RGS6: variants seen among roughly 807,000 people sequenced by gnomAD.
RGS6 encodes regulator of G-protein signaling 6.
RGS6 carries 30 observed loss-of-function variants against 78.5 expected under a neutral mutation model. The observed-to-expected ratio is 0.38, with a 90% CI of 0.29 to 0.52. The LOEUF is 0.52. Among genes scored for constraint, RGS6 ranks in the 20% least tolerant of loss-of-function variants. The probability of loss-of-function intolerance (pLI) is 0.85; values close to 1 mark genes in which losing one functional copy is unlikely to be tolerated. For synonymous variants in RGS6, 206 were observed against 206.0 expected (o/e 1.00, Z 0.00); for missense variants, 495 against 609.7 (o/e 0.81, Z 1.98).
At chr14:72,350,405 G>C (rs1311082743) in intron 2 of RGS6, among the ~76,000 whole-genome samples, 1 of 152,184 alleles carries the variant, frequency 6.6e-6, no homozygotes, top group Non-Finnish European at 1.5e-5. Flanking sequence ...AACCTCTGCA[G>C]TTGTCCCTGA....
intron 3 of RGS6, among the ~76,000 whole-genome samples, chr14:72,389,230 C>G (rs1281012259): frequency 6.6e-6 from 1 of 152,126 alleles, no homozygotes; most frequent in Non-Finnish European, 1.5e-5. Flanking sequence ...CCCGGATGTT[C>G]CATCAACTGT....
In RGS6 at chr14:72,060,357, G is replaced by A. The variant is rs1211891123; in HGVS notation, c.84+95482G>A. 5.8e-5 allele frequency among the ~76,000 whole-genome samples: 8 copies of A among 137,700 alleles called. No homozygotes were observed. In the South Asian group the frequency reaches 7.0e-4, roughly 12 times the overall value. 90.3% of individuals were successfully genotyped at this position (137,700 alleles called of 152,430 possible). A position where few individuals can be genotyped will look rare whatever the true frequency, so the allele number is the denominator to read the frequency against. ...TTTTTAATATATTCTTGTCCCCTGC[G>A]CCACCCCTCCCACCTTTTTTTTTTT... On this transcript the variant is annotated intron_variant, in intron 2 of 17. Transcript: ENST00000553525.
chr14:72,358,918 A>G (rs1319953860), intron 3 of RGS6, among the ~76,000 whole-genome samples: 1 of 152,196 alleles, frequency 6.6e-6, no homozygotes, highest in African/African-American at 2.4e-5. Context: ...CATAGTCCCC[A>G]TGAGTCTTGG....
the RGS6 span, among the ~76,000 whole-genome samples, chr14:72,614,580 A>G: frequency 6.6e-6 from 1 of 151,984 alleles, no homozygotes; most frequent in East Asian, 1.9e-4. Context: ...GGCATGATCC[A>G]GCCCTCCCTC....
chr14:72,548,534 A>G (rs1022058099), intron 17 of RGS6, among the ~76,000 whole-genome samples: 3 of 152,262 alleles, frequency 2.0e-5, no homozygotes, highest in Non-Finnish European at 4.4e-5. Flanking sequence ...TATATAACAA[A>G]AGTGGGAAAG....
intron 3 of RGS6, among the ~76,000 whole-genome samples, chr14:72,388,759 G>A (rs1041508165): frequency 1.3e-5 from 2 of 152,100 alleles, no homozygotes; most frequent in Non-Finnish European, 2.9e-5. Flanking sequence ...TACTCACTAT[G>A]GGCTCTGTAC....
chr14:72,499,778 A>G (rs974858257), intron 13 of RGS6, among the ~76,000 whole-genome samples: 6 of 151,898 alleles, frequency 4.0e-5, no homozygotes, highest in Non-Finnish European at 8.8e-5. Context: ...TTCTCATTCA[A>G]GTCTCACTCA....
At chr14:71,896,883 T>C in the RGS6 span, among the ~76,000 whole-genome samples, 1 of 152,230 alleles carries the variant, frequency 6.6e-6, no homozygotes, top group South Asian at 2.1e-4. Context: ...AGGAGGCTTA[T>C]TGCTTCATCT....
chr14:71,904,108 G>A, the RGS6 span, among the ~76,000 whole-genome samples: 19 of 152,318 alleles, frequency 1.2e-4, no homozygotes, highest in African/African-American at 3.6e-4. Context: ...GTCAGCCATC[G>A]TAGTGGACAA....
intron 2 of RGS6, among the ~76,000 whole-genome samples, chr14:72,176,512 G>A (rs1007406723): frequency 6.6e-6 from 1 of 152,108 alleles, no homozygotes; most frequent in Admixed American, 6.5e-5. Flanking sequence ...GCCATGCACC[G>A]CTGTGCTGTG....
intron 2 of RGS6, among the ~76,000 whole-genome samples, chr14:72,281,175 G>T (rs961249655): frequency 3.9e-5 from 5 of 126,910 alleles, no homozygotes; most frequent in Non-Finnish European, 6.3e-5. Flanking sequence ...TGGAGACATA[G>T]TCTCGCTCTG....
intron 3 of RGS6, among the ~76,000 whole-genome samples, chr14:72,367,425 G>A (rs1596331416): frequency 6.6e-6 from 1 of 152,008 alleles, no homozygotes; most frequent in African/African-American, 2.4e-5. Context: ...TTCCATCTTT[G>A]GACAACTTTG....
chr14:72,224,558 A>T (rs1390116876), intron 2 of RGS6, among the ~76,000 whole-genome samples: 1 of 152,068 alleles, frequency 6.6e-6, no homozygotes, highest in Non-Finnish European at 1.5e-5. Context: ...AAATAATTTT[A>T]GTACTTCTTA....
chr14:72,458,666 T>G (rs1001994497), intron 5 of RGS6, among the ~76,000 whole-genome samples: 8 of 152,070 alleles, frequency 5.3e-5, no homozygotes, highest in African/African-American at 1.9e-4. Flanking sequence ...AACAAAAAAT[T>G]TACTTCTCAT....
At chr14:71,987,463 C>T (rs531077151) in intron 2 of RGS6, among the ~76,000 whole-genome samples, 14 of 152,278 alleles carry the variant, frequency 9.2e-5, no homozygotes, top group Admixed American at 5.2e-4. Context: ...AAAGGAAGAC[C>T]TCATTTACTG....
chr14:71,945,268 T>C (rs1036239594), intron 1 of RGS6, among the ~76,000 whole-genome samples: 1 of 152,240 alleles, frequency 6.6e-6, no homozygotes, highest in Non-Finnish European at 1.5e-5. Context: ...ATATTGTCTG[T>C]CTCCCTCTGC....
At chr14:71,953,719 A>C (rs1263611127) in intron 1 of RGS6, among the ~76,000 whole-genome samples, 1 of 152,128 alleles carries the variant, frequency 6.6e-6, no homozygotes, top group Admixed American at 6.6e-5. Flanking sequence ...CTTTTAGACC[A>C]ATTATGAATA....
chr14:72,056,491 C>T (rs1032333436), intron 2 of RGS6, among the ~76,000 whole-genome samples: 1 of 152,164 alleles, frequency 6.6e-6, no homozygotes, highest in African/African-American at 2.4e-5. Context: ...GAGAGAATTT[C>T]TTATTAAAAA....
chr14:72,554,720 GGTT>G (rs923405696), intron 17 of RGS6, among the ~76,000 whole-genome samples: 8 of 152,200 alleles, frequency 5.3e-5, no homozygotes, highest in African/African-American at 1.9e-4. Context: ...AGAGCAACAG[GGTT>G]GTTCCGTCAG....
Sources: gnomAD v4.1 joint callset for allele counts (sites outside exome capture counted in the v4.1 genomes callset) on GRCh38, gnomAD v4.1.1 for gene constraint, MANE v1.5 for transcripts, NCBI Gene and HGNC (gene_info 2026-07-23, HGNC 2026-07-21) for gene names.